The following BZW2 variants were observed in gnomAD, a reference collection of about 807,000 sequenced individuals.
The protein encoded by BZW2 is eIF5-mimic protein 1.
In BZW2, 23 loss-of-function variants were observed where a neutral mutation model predicts 53.2. That is an observed-to-expected ratio of 0.43 (90% CI 0.31 to 0.61). The LOEUF is 0.61. BZW2 is among the 20% of genes least tolerant of loss of function. The pLI is 0.09. For missense variants in BZW2, 409 were observed against 503.1 expected (o/e 0.81, Z 1.79); for synonymous variants, 227 against 186.4 (o/e 1.22, Z -1.77).
intron 3 of BZW2, among the ~76,000 whole-genome samples, chr7:16,675,213 C>T (rs1782730079): frequency 6.6e-6 from 1 of 152,154 alleles, no homozygotes; most frequent in Non-Finnish European, 1.5e-5. Context: ...TTTTTCCTCT[C>T]ATAGTCATTC....
At chr7:16,695,199 G>T (rs929337073) in intron 8 of BZW2, among the ~76,000 whole-genome samples, 195 bp downstream of exon 8, 2 of 152,176 alleles carry the variant, frequency 1.3e-5, no homozygotes, top group Non-Finnish European at 2.9e-5. Context: ...AACACTCTAG[G>T]ATGGTCCAGA....
At chr7:16,687,162 G>A (rs1783152697) in intron 6 of BZW2, 1 of 152,004 alleles carries the variant, frequency 6.6e-6, no homozygotes, top group Non-Finnish European at 1.5e-5. Flanking sequence ...TACGTTATTA[G>A]GTGGATAGAT....
At chr7:16,685,564 G>C (rs1464198378) in intron 5 of BZW2, among the ~76,000 whole-genome samples, 1 of 152,102 alleles carries the variant, frequency 6.6e-6, no homozygotes, top group Non-Finnish European at 1.5e-5. Context: ...CAGAAAACAT[G>C]TCCATCATGT....
At chr7:16,704,194 A>C (rs770841727) in intron 10 of BZW2, among the ~76,000 whole-genome samples, 2 of 152,204 alleles carry the variant, frequency 1.3e-5, no homozygotes, top group Non-Finnish European at 2.9e-5. Context: ...CAGGACCCAA[A>C]ATGTTCTAAA....
At chr7:16,657,414 A>T (rs1024989857) in intron 1 of BZW2, among the ~76,000 whole-genome samples, 1 of 152,192 alleles carries the variant, frequency 6.6e-6, no homozygotes, top group African/African-American at 2.4e-5. Flanking sequence ...CACACATTGT[A>T]TATTAAAATT....
At chr7:16,681,153 A>G (rs999763197) in intron 3 of BZW2, 148 bp from the exon 4 acceptor site, 3 of 669,916 alleles carry the variant, frequency 4.5e-6, no homozygotes, top group Non-Finnish European at 7.6e-6. Context: ...ACATCTATAC[A>G]TACATGTCAT....
intron 2 of BZW2, among the ~76,000 whole-genome samples, chr7:16,671,125 A>T (rs1583716267): frequency 1.3e-5 from 2 of 152,170 alleles, no homozygotes; most frequent in African/African-American, 4.8e-5. Flanking sequence ...TCTGTTGGAG[A>T]TAGTAGATAT....
intron 9 of BZW2, among the ~76,000 whole-genome samples, chr7:16,697,707 A>G (rs999597396): frequency 6.6e-6 from 1 of 152,190 alleles, no homozygotes; most frequent in Non-Finnish European, 1.5e-5. Context: ...CAAATATGAG[A>G]ATCTGCCTAT....
intron 3 of BZW2, among the ~76,000 whole-genome samples, chr7:16,679,904 T>C (rs1025397851): frequency 6.6e-6 from 1 of 152,160 alleles, no homozygotes; most frequent in African/African-American, 2.4e-5. Context: ...GCTCTTCTAA[T>C]CAACTAATGC....
Position 16,646,709 on chromosome 7 carries a change from G to A in BZW2, c.-8+421G>A, listed in dbSNP as rs575341947. Among the ~76,000 whole-genome samples the A allele has an allele frequency of 2.6e-5, 4 of 152,224 alleles. No homozygotes were observed. The South Asian group carries it at 8.3e-4, about 31-fold the overall frequency. On this transcript the variant is annotated intron_variant, in intron 1 of 11. Transcript: ENST00000258761. ...AGCGAGTCAGTGAGAACAGACTCGGGAGAAGGTAGTTTTTACGCTGGTGAT... is the reference window on the plus strand; with the variant it reads ...AGCGAGTCAGTGAGAACAGACTCGGAAGAAGGTAGTTTTTACGCTGGTGAT...
chr7:16,665,270 C>T (rs1242901129), intron 1 of BZW2, among the ~76,000 whole-genome samples, 167 bp from the exon 2 acceptor site: 1 of 151,626 alleles, frequency 6.6e-6, no homozygotes, highest in African/African-American at 2.4e-5. Flanking sequence ...CACACCACTG[C>T]ACTCCCACCT....
At chr7:16,698,233 T>C in intron 10 of BZW2, 47 bp downstream of exon 10, 1 of 1,610,230 alleles carries the variant, frequency 6.2e-7, no homozygotes, top group Non-Finnish European at 8.5e-7. Context: ...TTGCTGAAGC[T>C]CTTTGAGAGG....
In BZW2 at chr7:16,697,288, G is replaced by A. The variant is rs141422177; in HGVS notation, c.969+227G>A. On this transcript the variant is annotated intron_variant, in intron 9 of 11. Transcript: ENST00000258761. ...CATTTTTTGGTAGAGATGTAGTCTC[G>A]CTGTGTTGCCCAGGCTGGTCTTGAA... Among the ~76,000 whole-genome samples the A allele has an allele frequency of 1.2e-3, 178 of 152,118 alleles. 3 individuals are homozygous for A. The East Asian group carries it at 0.03, about 25-fold the overall frequency.
In BZW2 at chr7:16,706,069, C is replaced by A. The variant is rs148788756; in HGVS notation, c.1241C>A (p.Ser414Ter). The change falls in exon 12 of 12, where the codon TCG (serine) becomes TAG (stop). Residue 414 changes from serine (S) to a stop codon, truncating the protein, a stop_gained. Transcript: ENST00000258761. LOFTEE classifies it high-confidence loss of function. The part of the protein sequence containing the change: ...WLQNAEEESE[S>*]EGEEN Reference sequence around the variant, plus strand: ...CTTTCTTCTCTCCTAGAATCCGAATCGGAAGGTGAGGAAAATTAAATGGCT... The same window carrying A: ...CTTTCTTCTCTCCTAGAATCCGAATAGGAAGGTGAGGAAAATTAAATGGCT... 1.2e-6 allele frequency: 2 copies of A among 1,613,328 alleles called. No homozygotes were observed. Among genetic ancestry groups the A allele is most frequent in the African/African-American group, 2.7e-5 (2 of 74,842 alleles).
intron 1 of BZW2, among the ~76,000 whole-genome samples, chr7:16,651,076 C>A (rs1404180589): frequency 6.6e-6 from 1 of 152,032 alleles, no homozygotes; most frequent in Non-Finnish European, 1.5e-5. Flanking sequence ...GAATAATGCC[C>A]TGTATTAATA....
chr7:16,656,358 G>A (rs1782122154), intron 1 of BZW2, among the ~76,000 whole-genome samples: 1 of 152,086 alleles, frequency 6.6e-6, no homozygotes, highest in Non-Finnish European at 1.5e-5. Context: ...ATGTGTTTTT[G>A]TCTGGGGTAC....
At chr7:16,671,228 T>A (rs551336449) in intron 2 of BZW2, among the ~76,000 whole-genome samples, 114 of 152,218 alleles carry the variant, frequency 7.5e-4, no homozygotes, top group Non-Finnish European at 1.4e-3. Flanking sequence ...ATTCTTTCAT[T>A]GTATCATATA....
chr7:16,663,838 C>T (rs1311352597), intron 1 of BZW2, among the ~76,000 whole-genome samples: 2 of 152,140 alleles, frequency 1.3e-5, no homozygotes, highest in African/African-American at 4.8e-5. Flanking sequence ...AGCATATTCT[C>T]AGTTTTTAAG....
intron 8 of BZW2, among the ~76,000 whole-genome samples, chr7:16,695,344 C>T (rs1783445510): frequency 6.6e-6 from 1 of 152,184 alleles, no homozygotes; most frequent in South Asian, 2.1e-4. Context: ...AATTTTGTTG[C>T]AGGTTATCTA....
Sources: allele counts gnomAD v4.1 joint callset (sites outside exome capture counted in the v4.1 genomes callset), GRCh38; gene constraint gnomAD v4.1.1; transcripts MANE v1.5; gene names NCBI Gene and HGNC (gene_info 2026-07-23, HGNC 2026-07-21).